NELL1: variants seen among roughly 807,000 people sequenced by gnomAD.
The protein encoded by NELL1 is protein kinase C-binding protein NELL1.
In NELL1, 76 loss-of-function variants were observed where a neutral mutation model predicts 107.4. That is an observed-to-expected ratio of 0.71 (90% CI 0.59 to 0.86). The LOEUF is 0.86. Among genes scored for constraint, NELL1 ranks in the 40% least tolerant of loss-of-function variants. The pLI, the probability that NELL1 is intolerant of heterozygous loss-of-function variation, is 0.00. For missense variants in NELL1, 1,024 were observed against 1,005.5 expected (o/e 1.02, Z -0.25); for synonymous variants, 353 against 341.2 (o/e 1.03, Z -0.38).
chr11:20,671,946 G>A (rs1417145342), intron 1 of NELL1, among the ~76,000 whole-genome samples: 1 of 152,194 alleles, frequency 6.6e-6, no homozygotes, highest in Non-Finnish European at 1.5e-5. Flanking sequence ...TTGGCAGAGG[G>A]AGCAGATTCA....
At chr11:20,694,515 A>AAT (rs1854561833) in intron 2 of NELL1, among the ~76,000 whole-genome samples, 1 of 152,106 alleles carries the variant, frequency 6.6e-6, no homozygotes, top group African/African-American at 2.4e-5. Context: ...CCATTTATTG[A>AAT]ATAGGGGGTC....
At chr11:20,701,161 G>C (rs1399405195) in intron 2 of NELL1, among the ~76,000 whole-genome samples, 1 of 152,046 alleles carries the variant, frequency 6.6e-6, no homozygotes, top group Non-Finnish European at 1.5e-5. Flanking sequence ...CACATCCTCT[G>C]CAGCACCTGT....
intron 17 of NELL1, among the ~76,000 whole-genome samples, chr11:21,570,187 C>A (rs1023599413): frequency 6.6e-6 from 1 of 151,786 alleles, no homozygotes; most frequent in Admixed American, 6.6e-5. Context: ...TAGTACACAA[C>A]TTTAAGGCGA....
At chr11:20,703,654 T>G (rs189680706) in intron 2 of NELL1, among the ~76,000 whole-genome samples, 296 of 152,352 alleles carry the variant, frequency 1.9e-3, no homozygotes, top group African/African-American at 6.8e-3. Context: ...GCTATAAATT[T>G]CTCTCTACAC....
intron 2 of NELL1, among the ~76,000 whole-genome samples, chr11:20,724,876 A>G (rs1349331629): frequency 1.3e-5 from 2 of 152,202 alleles, no homozygotes; most frequent in African/African-American, 4.8e-5. Context: ...GGTAATTTAT[A>G]AAGAAAGGTT....
chr11:20,836,085 T>C (rs1848529871), intron 3 of NELL1, among the ~76,000 whole-genome samples: 1 of 152,024 alleles, frequency 6.6e-6, no homozygotes. Flanking sequence ...CAACAATAAG[T>C]AAACTCAACA....
At chr11:20,752,562 T>C (rs957802503) in intron 2 of NELL1, among the ~76,000 whole-genome samples, 1 of 152,088 alleles carries the variant, frequency 6.6e-6, no homozygotes, top group Non-Finnish European at 1.5e-5. Context: ...AATAAATAAA[T>C]AAATACATAA....
intron 2 of NELL1, among the ~76,000 whole-genome samples, chr11:20,735,864 A>G (rs746098491): frequency 6.6e-6 from 1 of 152,158 alleles, no homozygotes; most frequent in Admixed American, 6.6e-5. Flanking sequence ...AGATATTATA[A>G]CATATTTGAA....
chr11:21,552,429 A>C (rs1449337517), intron 16 of NELL1, among the ~76,000 whole-genome samples: 1 of 151,750 alleles, frequency 6.6e-6, no homozygotes, highest in African/African-American at 2.4e-5. Context: ...TTAGTGACCT[A>C]CTTTGGTTTT....
intron 15 of NELL1, among the ~76,000 whole-genome samples, chr11:21,472,348 T>C (rs1001215975): frequency 9.9e-5 from 15 of 152,034 alleles, no homozygotes; most frequent in African/African-American, 3.6e-4. Flanking sequence ...GTTTGCTTGC[T>C]TTCTCTTAAC....
chr11:21,295,857 A>G (rs929855315), intron 14 of NELL1, among the ~76,000 whole-genome samples: 1 of 152,068 alleles, frequency 6.6e-6, no homozygotes, highest in African/African-American at 2.4e-5. Flanking sequence ...AGTGGAAAAA[A>G]ATGACTTAAC....
intron 5 of NELL1, among the ~76,000 whole-genome samples, chr11:20,898,829 C>A (rs1413544601): frequency 2.0e-5 from 3 of 151,904 alleles, no homozygotes; most frequent in Admixed American, 2.0e-4. Flanking sequence ...ATAATATTTG[C>A]TTTCACAAAT....
At chr11:21,361,248 C>A (rs1342331028) in intron 14 of NELL1, among the ~76,000 whole-genome samples, 1 of 142,126 alleles carries the variant, frequency 7.0e-6, no homozygotes, top group Non-Finnish European at 1.5e-5. Flanking sequence ...ATACAAATTC[C>A]TTGTGTGACA....
intron 3 of NELL1, among the ~76,000 whole-genome samples, chr11:20,802,858 A>G (rs188658573): frequency 3.9e-5 from 6 of 152,302 alleles, no homozygotes; most frequent in South Asian, 2.1e-4. Context: ...TGTTGATATG[A>G]TGTATCACAT....
At chr11:21,099,832 C>T (rs1306728283) in intron 12 of NELL1, among the ~76,000 whole-genome samples, 5 of 152,086 alleles carry the variant, frequency 3.3e-5, no homozygotes, top group Non-Finnish European at 7.4e-5. Flanking sequence ...TTTTCTTGTC[C>T]TCTGAGTGAA....
intron 2 of NELL1, among the ~76,000 whole-genome samples, chr11:20,745,229 T>G (rs1855977649): frequency 6.6e-6 from 1 of 152,182 alleles, no homozygotes; most frequent in African/African-American, 2.4e-5. Context: ...AATATTTGTT[T>G]TTTGTCCAGC....
intron 9 of NELL1, 135 bp from the exon 10 acceptor site, chr11:20,937,651 T>G: frequency 1.5e-6 from 1 of 661,032 alleles, no homozygotes; most frequent in Non-Finnish European, 2.7e-6. Flanking sequence ...TCCTTTCACT[T>G]TAGACAAAGA....
chr11:21,083,835 T>C (rs565596205), intron 12 of NELL1, among the ~76,000 whole-genome samples: 4 of 152,356 alleles, frequency 2.6e-5, no homozygotes, highest in African/African-American at 9.6e-5. Context: ...ATACTTTTAT[T>C]ATTGTCTTGC....
intron 13 of NELL1, among the ~76,000 whole-genome samples, chr11:21,199,612 T>C (rs928954863): frequency 5.3e-5 from 8 of 152,170 alleles, no homozygotes; most frequent in African/African-American, 1.9e-4. Context: ...GAATCTGTGA[T>C]ATATTGGTTA....
Sources: allele counts gnomAD v4.1 joint callset (sites outside exome capture counted in the v4.1 genomes callset), GRCh38; gene constraint gnomAD v4.1.1; transcripts MANE v1.5; gene names NCBI Gene and HGNC (gene_info 2026-07-23, HGNC 2026-07-21).